The following GJD4 variants were observed in gnomAD, a reference collection of about 807,000 sequenced individuals.
GJD4 encodes the protein gap junction protein delta 4.
In GJD4, 18 loss-of-function variants were observed where a neutral mutation model predicts 17.9. The observed-to-expected ratio is 1.00, with a 90% CI of 0.69 to 1.49. GJD4 has a LOEUF of 1.49. Among genes scored for constraint, GJD4 ranks in the 40% most tolerant of loss-of-function variants. GJD4 has a pLI of 0.00. For missense variants in GJD4, 639 were observed against 506.9 expected, an observed-to-expected ratio of 1.26 and a Z score of -2.50; for synonymous variants, 293 against 236.8, an observed-to-expected ratio of 1.24 and a Z score of -2.18.
rs768505889 is a variant in GJD4 at position 35,608,246 on chromosome 10, C to A, written c.733C>A (p.His245Asn). ...SIRKQSGASG[H>N]AEGRRTDEEG... Reference sequence around the variant, plus strand: ...CCGGAAGCAGAGCGGAGCCTCAGGCCACGCGGAGGGACGCCGGACTGACGA... The same window carrying A: ...CCGGAAGCAGAGCGGAGCCTCAGGCAACGCGGAGGGACGCCGGACTGACGA... The change falls in exon 2 of 2, where the codon CAC becomes AAC. Residue 245 changes from histidine (H) to asparagine (N), a missense_variant. Coordinates refer to ENST00000321660, the MANE Select transcript of GJD4 (RefSeq NM_153368.3). The A allele has an allele frequency of 1.8e-4, 289 of 1,580,384 alleles. No individual in the cohort carries two copies. Among genetic ancestry groups the A allele is most frequent in the Non-Finnish European group, 2.3e-4 (272 of 1,168,870 alleles).
At position 35,607,708 on chromosome 10, in the gene GJD4, C is replaced by T. The variant is rs779912857; in HGVS notation, c.195C>T (p.Cys65=). The T allele has an allele frequency of 1.9e-6, 3 of 1,614,072 alleles. No homozygotes were observed. Among genetic ancestry groups the T allele is most frequent in the Non-Finnish European group, 2.5e-6 (3 of 1,180,040 alleles). Residue 65 remains cysteine (C), a synonymous_variant, in exon 2 of 2, where the codon TGC becomes TGT. Coordinates refer to ENST00000321660, the MANE Select transcript of GJD4 (RefSeq NM_153368.3). ...NTLQPGCANV[C]YDVFSPVSHL... Reference sequence around the variant, plus strand: ...TGCAGCCGGGATGCGCCAATGTTTGCTACGACGTCTTCTCCCCCGTGTCTC... The same window carrying T: ...TGCAGCCGGGATGCGCCAATGTTTGTTACGACGTCTTCTCCCCCGTGTCTC...
In GJD4 at chr10:35,605,498, T is replaced by G; in HGVS notation, c.-70T>G. On this transcript the variant is annotated 5_prime_UTR_variant, in exon 1 of 2. Coordinates refer to ENST00000321660, the MANE Select transcript of GJD4 (RefSeq NM_153368.3). ...AAGTCTTATGTAGTTAAAGGACATT[T>G]ATCCGCCTCCTTGGAGAACACAGCC... is the stretch of plus-strand genomic sequence containing the variant. The G allele has an allele frequency of 5.0e-6, 6 of 1,211,376 alleles. No individual in the cohort carries two copies. The highest frequency in any genetic ancestry group is 7.4e-6 in the Non-Finnish European group (6 of 812,966). The allele number at this position is 1,211,376 out of a possible 1,614,324, so 75.0% of individuals were successfully genotyped here.
At chr10:35,606,044 G>T (rs625042) in intron 1 of GJD4, 648 of 155,614 alleles carry the variant, frequency 4.2e-3, no homozygotes, top group South Asian at 0.011. Context: ...TGGAAGCTTG[G>T]TTTTTTTTTT....
chr10:35,608,701 T>A lies in GJD4; in HGVS notation c.*75T>A. Reference sequence around the variant, plus strand: ...ACTTTGGGAGGCCCAGGCAGGAGGATCGTTTGAGAATATATCTCCTTGCCC... The same window carrying A: ...ACTTTGGGAGGCCCAGGCAGGAGGAACGTTTGAGAATATATCTCCTTGCCC... On this transcript the variant is annotated 3_prime_UTR_variant, in exon 2 of 2. Coordinates refer to ENST00000321660, the MANE Select transcript of GJD4 (RefSeq NM_153368.3). The A allele has an allele frequency of 9.1e-7, 1 of 1,099,148 alleles. No homozygotes were observed. 68.1% of individuals were successfully genotyped at this position (1,099,148 alleles called of 1,614,324 possible).
At chr10:35,607,486 T>A in intron 1 of GJD4, 92 bp from the exon 2 acceptor site, 1 of 808,222 alleles carries the variant, frequency 1.2e-6, no homozygotes, top group Non-Finnish European at 2.0e-6. Flanking sequence ...ACGTTTCAAT[T>A]TCCCAATCTC....
At position 35,608,249 on chromosome 10, in the gene GJD4, G is replaced by C. The variant is rs765372882; in HGVS notation, c.736G>C (p.Ala246Pro). ...GAAGCAGAGCGGAGCCTCAGGCCACGCGGAGGGACGCCGGACTGACGAGGA... is the reference window on the plus strand; with the variant it reads ...GAAGCAGAGCGGAGCCTCAGGCCACCCGGAGGGACGCCGGACTGACGAGGA... ...IRKQSGASGH[A>P]EGRRTDEEGG... The change falls in exon 2 of 2, where the codon GCG becomes CCG. Residue 246 changes from alanine to proline, a missense_variant. Physicochemically the swap from Ala to Pro is conservative, Grantham distance 27. Coordinates refer to ENST00000321660, the MANE Select transcript of GJD4 (RefSeq NM_153368.3). 1.9e-6 allele frequency: 3 copies of C among 1,577,700 alleles called. No individual in the cohort carries two copies. The East Asian group carries it at 6.9e-5, about 36-fold the overall frequency.
rs1835482412 is a variant in GJD4, at chr10:35,608,015, C to T, written c.502C>T (p.Leu168=). The part of the protein sequence containing the change: ...GALHYFLFGF[L]APKKFPCTRP... Reference sequence around the variant, plus strand: ...CTTGCACTACTTTCTCTTTGGATTCCTGGCCCCGAAGAAGTTCCCTTGCAC... The same window carrying T: ...CTTGCACTACTTTCTCTTTGGATTCTTGGCCCCGAAGAAGTTCCCTTGCAC... The change falls in exon 2 of 2, where the codon CTG becomes TTG. Residue 168 remains leucine, a synonymous_variant. Coordinates refer to ENST00000321660, the MANE Select transcript of GJD4 (RefSeq NM_153368.3). The T allele has an allele frequency of 6.2e-7, 1 of 1,611,806 alleles. No homozygotes were observed. The highest frequency in any genetic ancestry group is 8.5e-7 in the Non-Finnish European group (1 of 1,179,468).
intron 1 of GJD4, chr10:35,606,736 A>T (rs1042001448): frequency 6.6e-6 from 1 of 152,226 alleles, no homozygotes; most frequent in Non-Finnish European, 1.5e-5. Flanking sequence ...ATGTTTCGAA[A>T]CAGTTGGCCG....
In GJD4 at chr10:35,607,764, G is replaced by A. The variant is rs746690181; in HGVS notation, c.251G>A (p.Cys84Tyr). 5 of 1,611,330 alleles carry A rather than the reference G, an allele frequency of 3.1e-6. No homozygotes were observed. The South Asian group carries it at 4.4e-5, about 14-fold the overall frequency. Residue 84 changes from cysteine (C) to tyrosine (Y), a missense_variant, in exon 2 of 2, where the codon TGC (cysteine) becomes TAC (tyrosine). Physicochemically the swap from Cys to Tyr is radical, Grantham distance 194. Coordinates refer to ENST00000321660, the MANE Select transcript of GJD4 (RefSeq NM_153368.3). The stretch of plus-strand genomic sequence containing the variant: ...CGGTTCTGGCTGATCCAGGGCGTGT[G>A]CGTCCTCCTCCCCTCCGCCGTCTTC... Reference protein sequence around the residue: ...HLRFWLIQGVCVLLPSAVFSV... With the variant: ...HLRFWLIQGVYVLLPSAVFSV...
At chr10:35,605,685 T>C (rs1449405512) in intron 1 of GJD4, 54 bp downstream of exon 1, 15 of 1,346,044 alleles carry the variant, frequency 1.1e-5, no homozygotes, top group Non-Finnish European at 1.6e-5. Flanking sequence ...TCCACTGCCA[T>C]GGTGGAATTG....
In GJD4 at chr10:35,608,660, C is replaced by T. The variant is rs145451178; in HGVS notation, c.*34C>T. 1,691 of 1,422,872 alleles carry T rather than the reference C, an allele frequency of 1.2e-3. 18 individuals carry two copies. The East Asian group carries it at 0.032, about 27-fold the overall frequency. 88.1% of individuals were successfully genotyped at this position (1,422,872 alleles called of 1,614,324 possible). On this transcript the variant is annotated 3_prime_UTR_variant, in exon 2 of 2. Coordinates refer to ENST00000321660, the MANE Select transcript of GJD4 (RefSeq NM_153368.3). ...GCACCTGGCGGTGCCCCGGGGCTCA[C>T]GCCTGTAATCCCAACACTTTGGGAG... is the stretch of plus-strand genomic sequence containing the variant.
chr10:35,607,669 T>G lies in GJD4; in HGVS notation c.156T>G (p.Phe52Leu). The change falls in exon 2 of 2, where the codon TTT becomes TTG. Residue 52 changes from phenylalanine to leucine, a missense_variant. Transcript: ENST00000321660. ...RPVYQDEQERFVCNTLQPGCA... is the reference protein window; with the variant it reads ...RPVYQDEQERLVCNTLQPGCA... The stretch of plus-strand genomic sequence containing the variant: ...TCTACCAGGACGAGCAGGAGAGGTT[T>G]GTCTGCAACACGCTGCAGCCGGGAT... 1.2e-6 allele frequency: 2 copies of G among 1,614,180 alleles called. No individual in the cohort carries two copies. The highest frequency in any genetic ancestry group is 8.5e-7 in the Non-Finnish European group (1 of 1,180,020).
At position 35,607,697 on chromosome 10, in the gene GJD4, G is replaced by C. The variant is rs1347303151; in HGVS notation, c.184G>C (p.Ala62Pro). The change falls in exon 2 of 2, where the codon GCC becomes CCC. Residue 62 changes from alanine to proline, a missense_variant. By Grantham distance (27) the Ala-to-Pro change is conservative (BLOSUM62 -1). Transcript: ENST00000321660. ...CTGCAACACGCTGCAGCCGGGATGC[G>C]CCAATGTTTGCTACGACGTCTTCTC... ...FVCNTLQPGCANVCYDVFSPV... is the reference protein window; with the variant it reads ...FVCNTLQPGCPNVCYDVFSPV... The C allele has an allele frequency of 1.9e-6, 3 of 1,614,052 alleles. No homozygotes were observed. Among genetic ancestry groups the C allele is most frequent in the Non-Finnish European group, 2.5e-6 (3 of 1,180,006 alleles).
At chr10:35,608,933 GTCA>G (rs1835501607) in exon 2 of GJD4, 1 of 101,556 alleles carries the variant, frequency 9.8e-6, no homozygotes, top group Non-Finnish European at 1.7e-5. Context: ...GTGAGACCCT[GTCA>G]AAAAAAAAAA....
Position 35,607,949 on chromosome 10 carries a change from C to T in GJD4, c.436C>T (p.His146Tyr), listed in dbSNP as rs1414911054. 6.2e-7 allele frequency: 1 copy of T among 1,609,562 alleles called. No individual in the cohort carries two copies. Among genetic ancestry groups the T allele is most frequent in the African/African-American group, 1.3e-5 (1 of 74,488 alleles). Residue 146 changes from histidine to tyrosine, a missense_variant, in exon 2 of 2, where the codon CAC becomes TAC. Physicochemically the swap from His to Tyr is moderately conservative, Grantham distance 83. Transcript: ENST00000321660. ...VPDFSAGYII[H>Y]LLLRTLLEAA... ...CGACTTTTCGGCCGGCTACATCATC[C>T]ACCTCCTCCTCCGGACCCTGCTGGA...
rs151211621 is a variant in GJD4 at position 35,608,180 on chromosome 10, C to T, written c.667C>T (p.Arg223Trp). Reference protein sequence around the residue: ...LADLVCSLRRRMRRRPGPPTS... With the variant: ...LADLVCSLRRWMRRRPGPPTS... ...CGACCTGGTCTGCAGCCTGCGGCGG[C>T]GGATGCGCAGGAGGCCGGGACCCCC... Residue 223 changes from arginine (R) to tryptophan (W), a missense_variant, in exon 2 of 2, where the codon CGG becomes TGG. Transcript: ENST00000321660. 5.0e-6 allele frequency: 8 copies of T among 1,598,460 alleles called. No homozygotes were observed. The African/African-American group carries it at 5.4e-5, about 11-fold the overall frequency.
rs200332566 is a variant in GJD4 at position 35,607,912 on chromosome 10, C to T, written c.399C>T (p.Gly133=). The change falls in exon 2 of 2, where the codon GGC becomes GGT. Residue 133 remains glycine (G), a synonymous_variant. Coordinates refer to ENST00000321660, the MANE Select transcript of GJD4 (RefSeq NM_153368.3). ...RCPRPFGERG[G]LQVPDFSAGY... ...CGCGGCCATTCGGGGAGCGCGGCGGCCTCCAGGTGCCCGACTTTTCGGCCG... is the reference window on the plus strand; with the variant it reads ...CGCGGCCATTCGGGGAGCGCGGCGGTCTCCAGGTGCCCGACTTTTCGGCCG... The T allele has an allele frequency of 5.0e-6, 8 of 1,599,954 alleles. No individual in the cohort carries two copies. In the African/African-American group the frequency reaches 8.1e-5, roughly 16 times the overall value.
Position 35,608,683 on chromosome 10 carries a change from G to GATTAC in GJD4, c.*58_*59insTTACA. On this transcript the variant is annotated 3_prime_UTR_variant, in exon 2 of 2. Coordinates refer to ENST00000321660, the MANE Select transcript of GJD4 (RefSeq NM_153368.3). ...CACGCCTGTAATCCCAACACTTTGGGAGGCCCAGGCAGGAGGATCGTTTGA... is the reference window on the plus strand; with the variant it reads ...CACGCCTGTAATCCCAACACTTTGGGATTACAGGCCCAGGCAGGAGGATCGTTTGA... 1 of 1,291,336 alleles carries GATTAC rather than the reference G, an allele frequency of 7.7e-7. No individual in the cohort carries two copies. The highest frequency in any genetic ancestry group is 1.0e-6 in the Non-Finnish European group (1 of 959,316). 80.0% of individuals were successfully genotyped at this position (1,291,336 alleles called of 1,614,324 possible).
Position 35,608,633 on chromosome 10 carries a change from C to T in GJD4, c.*7C>T, listed in dbSNP as rs752138970. 1 of 1,470,060 alleles carries T rather than the reference C, an allele frequency of 6.8e-7. No individual in the cohort carries two copies. The highest frequency in any genetic ancestry group is 9.0e-7 in the Non-Finnish European group (1 of 1,111,562). The allele number at this position is 1,470,060 out of a possible 1,614,324, so 91.1% of individuals were successfully genotyped here. On this transcript the variant is annotated 3_prime_UTR_variant, in exon 2 of 2. Coordinates refer to ENST00000321660, the MANE Select transcript of GJD4 (RefSeq NM_153368.3). The stretch of plus-strand genomic sequence containing the variant: ...GAAGTCTGAGTGGGTGTGAAAAAAA[C>T]AGCACCTGGCGGTGCCCCGGGGCTC...
Sources: gnomAD v4.1 joint callset for allele counts on GRCh38, gnomAD v4.1.1 for gene constraint, MANE v1.5 for transcripts, NCBI Gene and HGNC (gene_info 2026-07-23, HGNC 2026-07-21) for gene names.